The following USP54 variants were observed in gnomAD, a reference collection of about 807,000 sequenced individuals.
The protein encoded by USP54 is ubiquitin carboxyl-terminal hydrolase 54.
Under a neutral mutation model 170.5 loss-of-function variants are expected in USP54, and 87 were observed. The observed-to-expected ratio is 0.51, with a 90% CI of 0.43 to 0.61. USP54 has a LOEUF of 0.61. Among genes scored for constraint, USP54 ranks in the 20% least tolerant of loss-of-function variants. The probability of loss-of-function intolerance (pLI) is 0.00; values close to 1 mark genes in which losing one functional copy is unlikely to be tolerated. For synonymous variants in USP54, 655 were observed against 742.8 expected, an observed-to-expected ratio of 0.88 and a Z score of 1.92; for missense variants, 1,786 against 2,047.8, an observed-to-expected ratio of 0.87 and a Z score of 2.47.
At chr10:73,505,019 ACACATAATAC>A in intron 21 of USP54, 29 bp from the exon 22 acceptor site, 1 of 1,613,850 alleles carries the variant, frequency 6.2e-7, no homozygotes, top group Non-Finnish European at 8.5e-7. Context: ...ATACAGGCAG[ACACATAATAC>A]CAGACTTATG....
At chr10:73,566,600 G>A (rs1046699334) in intron 4 of USP54, among the ~76,000 whole-genome samples, 7 of 151,466 alleles carry the variant, frequency 4.6e-5, no homozygotes, top group Non-Finnish European at 1.0e-4. Flanking sequence ...GCATGGTGAC[G>A]TGCACCTGTA....
intron 6 of USP54, 30 bp downstream of exon 6, chr10:73,542,988 T>A (rs2066952088): frequency 2.5e-6 from 4 of 1,610,016 alleles, no homozygotes; most frequent in South Asian, 2.2e-5. Flanking sequence ...CTGGAAGAAA[T>A]GTCTAAAAAA....
intron 1 of USP54, among the ~76,000 whole-genome samples, chr10:73,602,665 C>T (rs528466943): frequency 1.3e-5 from 2 of 151,800 alleles, no homozygotes; most frequent in South Asian, 2.1e-4. Context: ...TCAAGGCCAG[C>T]CTGACCAAGG....
intron 20 of USP54, among the ~76,000 whole-genome samples, 171 bp downstream of exon 20, chr10:73,516,204 G>A (rs141101509): frequency 2.6e-5 from 4 of 152,298 alleles, no homozygotes; most frequent in African/African-American, 7.2e-5. Flanking sequence ...ACTCTAGCCA[G>A]AAAAATGTCT....
intron 4 of USP54, among the ~76,000 whole-genome samples, chr10:73,559,247 C>A (rs111700289): frequency 2.0e-5 from 3 of 151,872 alleles, no homozygotes; most frequent in African/African-American, 7.3e-5. Context: ...ACGGTGAAAC[C>A]CTGTCTCTAC....
chr10:73,500,562 A>ACC (rs1416409499), intron 23 of USP54, 93 bp downstream of exon 23: 1 of 1,244,164 alleles, frequency 8.0e-7, no homozygotes, highest in African/African-American at 1.6e-5. Context: ...ACCTTGGGAT[A>ACC]CCCCCCTCCC....
At chr10:73,508,669 TG>T (rs1185021980) in intron 20 of USP54, among the ~76,000 whole-genome samples, 4 of 149,426 alleles carry the variant, frequency 2.7e-5, no homozygotes, top group African/African-American at 4.9e-5. Flanking sequence ...TAGAAGAACA[TG>T]TTTTTTTTTT....
chr10:73,553,864 C>CA (rs1192185851), intron 4 of USP54, among the ~76,000 whole-genome samples: 1 of 152,182 alleles, frequency 6.6e-6, no homozygotes, highest in East Asian at 1.9e-4. Flanking sequence ...GGATGCAGTA[C>CA]AAAAGCAACA....
intron 4 of USP54, among the ~76,000 whole-genome samples, chr10:73,562,400 C>T (rs2073276056): frequency 6.6e-6 from 1 of 152,200 alleles, no homozygotes; most frequent in Non-Finnish European, 1.5e-5. Flanking sequence ...AATCTACCCT[C>T]CACCTTCTAC....
rs775511928 is a variant in USP54, at chr10:73,526,698, C to T, written c.2143G>A (p.Val715Ile). 20 of 1,614,138 alleles carry T rather than the reference C, an allele frequency of 1.2e-5. No individual in the cohort carries two copies. The highest frequency in any genetic ancestry group is 1.7e-5 in the Non-Finnish European group (20 of 1,180,026). ...PKSHSSSILE[V>I]DSTASMGGWT... Reference sequence around the variant, plus strand: ...CCACCCATGGATGCTGTGGAGTCTACCTCCAGGATGCTACTGCTGTGCGAC... The same window carrying T: ...CCACCCATGGATGCTGTGGAGTCTATCTCCAGGATGCTACTGCTGTGCGAC... Residue 715 changes from valine (V) to isoleucine (I), a missense_variant, in exon 16 of 24, where the codon GTA (valine) becomes ATA (isoleucine). Around this residue, in one of 3 missense-constraint regions of USP54, gnomAD observed 1,418 missense variants for 1,569.0 expected, o/e 0.90. Transcript: ENST00000687698.
chr10:73,624,179 TATATATA>T (rs2081308365), intron 1 of USP54, among the ~76,000 whole-genome samples: 2 of 110,872 alleles, frequency 1.8e-5, no homozygotes, highest in Non-Finnish European at 4.0e-5. Flanking sequence ...TATATATATA[TATATATA>T]TATATATATG....
intron 4 of USP54, among the ~76,000 whole-genome samples, chr10:73,566,201 G>A (rs1445052868): frequency 6.6e-6 from 1 of 152,094 alleles, no homozygotes; most frequent in Non-Finnish European, 1.5e-5. Context: ...TTGCACTCCA[G>A]CCTGGGCAAC....
intron 1 of USP54, among the ~76,000 whole-genome samples, chr10:73,604,548 T>G (rs59797047): frequency 0.033 from 5,041 of 151,930 alleles, 214 homozygotes; most frequent in East Asian, 0.22. Flanking sequence ...ATCTCATGAG[T>G]TTGAGACAAG....
At position 73,530,181 on chromosome 10, in the gene USP54, C is replaced by T. The variant is rs1380579965; in HGVS notation, c.1790G>A (p.Cys597Tyr). The T allele has an allele frequency of 3.7e-6, 6 of 1,613,874 alleles. 1 individual carries two copies. In the Admixed American group the frequency reaches 5.0e-5, roughly 13 times the overall value. ...AAAGGGGCTAAGCTGGGTATAGCCA[C>T]AGTGCTTCCTTTTGTCCTTACTAAA... ...SIFSKDKRKH[C>Y]GYTQLSPFSE... The change falls in exon 14 of 24, where the codon TGT becomes TAT. Residue 597 changes from cysteine (C) to tyrosine (Y), a missense_variant. By Grantham distance (194) the Cys-to-Tyr change is radical (BLOSUM62 -2). Transcript: ENST00000687698.
In USP54 at chr10:73,539,566, C is replaced by T. The variant is rs1418108669; in HGVS notation, c.853G>A (p.Ala285Thr). 3 of 1,606,586 alleles carry T rather than the reference C, an allele frequency of 1.9e-6. No homozygotes were observed. The highest frequency in any genetic ancestry group is 2.6e-6 in the Non-Finnish European group (3 of 1,175,170). The change falls in exon 10 of 24, where the codon GCC (alanine) becomes ACC (threonine). Residue 285 changes from alanine to threonine, a missense_variant. By Grantham distance (58) the Ala-to-Thr change is moderately conservative. Around this residue, in one of 3 missense-constraint regions of USP54, gnomAD observed 361 missense variants for 455.0 expected, o/e 0.79. Transcript: ENST00000687698. ...DLFFRVTDDR[A>T]KQSELYLVGM... ...ACTAAGTACAGTTCAGATTGCTTGGCCCGGTCATCCGTCACTCTGAAAAAC... is the reference window on the plus strand; with the variant it reads ...ACTAAGTACAGTTCAGATTGCTTGGTCCGGTCATCCGTCACTCTGAAAAAC...
chr10:73,526,504 C>T, intron 16 of USP54, 143 bp downstream of exon 16: 1 of 1,214,260 alleles, frequency 8.2e-7, no homozygotes, highest in Non-Finnish European at 1.1e-6. Flanking sequence ...GCCTCGGCCT[C>T]CCAAAGTGCT....
chr10:73,604,592 A>ATT lies in USP54; in HGVS notation c.-18+20973_-18+20974dup, dbSNP rs71021554. On this transcript the variant is annotated intron_variant, in intron 1 of 22. Transcript: ENST00000339859. ...ACATAGTGAGACTCCATCTCCACAA[A>ATT]TTTTTTTTTTTTTTTTGAGACAGAG... Among the ~76,000 whole-genome samples, 661 of 141,582 alleles carry ATT rather than the reference A, an allele frequency of 4.7e-3. 4 individuals carry two copies. Among genetic ancestry groups the ATT allele is most frequent in the Middle Eastern group, 7.2e-3 (2 of 278 alleles). The allele number at this position is 141,582 out of a possible 152,430, so 92.9% of individuals were successfully genotyped here.
At chr10:73,590,234 G>T (rs2078079977) in intron 1 of USP54, among the ~76,000 whole-genome samples, 1 of 152,124 alleles carries the variant, frequency 6.6e-6, no homozygotes, top group Non-Finnish European at 1.5e-5. Context: ...GTTGTACTGG[G>T]AATTAGAAGT....
intron 3 of USP54, among the ~76,000 whole-genome samples, chr10:73,572,420 T>C (rs751837838): frequency 7.9e-5 from 12 of 152,170 alleles, no homozygotes; most frequent in Non-Finnish European, 1.6e-4. Context: ...TATAGCATAA[T>C]GCCTTAGGAA....
Sources: allele counts gnomAD v4.1 joint callset (sites outside exome capture counted in the v4.1 genomes callset), GRCh38; gene constraint gnomAD v4.1.1; regional missense constraint gnomAD v4.1.1; transcripts MANE v1.5; gene names NCBI Gene and HGNC (gene_info 2026-07-23, HGNC 2026-07-21).